The following LRIF1 variants were observed in gnomAD, a reference collection of about 807,000 sequenced individuals.
LRIF1 encodes ligand-dependent nuclear receptor-interacting factor 1.
Under a neutral mutation model 52.7 loss-of-function variants are expected in LRIF1, and 32 were observed. The ratio of observed to expected loss-of-function variants is 0.61; its 90% CI spans 0.46 to 0.82. The LOEUF is 0.82. LRIF1 is among the 40% of genes least tolerant of loss of function. LRIF1 has a pLI of 0.00. For synonymous variants in LRIF1, 323 were observed against 317.4 expected (o/e 1.02, Z -0.19); for missense variants, 887 against 892.0 (o/e 0.99, Z 0.07).
chr1:110,910,889 C>G, the LRIF1 span, among the ~76,000 whole-genome samples: 32 of 152,218 alleles, frequency 2.1e-4, no homozygotes, highest in African/African-American at 7.5e-4. Flanking sequence ...TAAATATCTA[C>G]ATCAAGATGT....
chr1:110,942,511 TAGA>T (rs1423326178), downstream of LRIF1, among the ~76,000 whole-genome samples: 1 of 152,086 alleles, frequency 6.6e-6, no homozygotes, highest in Non-Finnish European at 1.5e-5. Context: ...AGGACACTGG[TAGA>T]AGCAGAGAGA....
At chr1:110,894,284 G>C in the LRIF1 span, 1 of 1,565,754 alleles carries the variant, frequency 6.4e-7, no homozygotes, top group Non-Finnish European at 8.8e-7. Context: ...AGTGGGACGA[G>C]AATGGGGATC....
chr1:110,906,943 A>G, the LRIF1 span, among the ~76,000 whole-genome samples: 1 of 152,204 alleles, frequency 6.6e-6, no homozygotes, highest in African/African-American at 2.4e-5. Flanking sequence ...GGTTATTACA[A>G]TAGTATGGAA....
chr1:110,957,617 T>C (rs1016483815), intron 1 of LRIF1, among the ~76,000 whole-genome samples: 3 of 152,190 alleles, frequency 2.0e-5, no homozygotes, highest in Non-Finnish European at 4.4e-5. Context: ...ATTTGTGATG[T>C]CTTACCAAAC....
At position 110,952,558 on chromosome 1, in the gene LRIF1, G is replaced by C. The variant is rs746334473; in HGVS notation, c.326C>G (p.Thr109Arg). 30 of 1,613,860 alleles carry C rather than the reference G, an allele frequency of 1.9e-5. No homozygotes were observed. The South Asian group carries it at 2.5e-4, about 14-fold the overall frequency. ...TTTTTCTGATGTATCTACTGTTCTTGTAAGAAAATAGTTTGAAGAACTGGC... is the reference window on the plus strand; with the variant it reads ...TTTTTCTGATGTATCTACTGTTCTTCTAAGAAAATAGTTTGAAGAACTGGC... The part of the protein sequence containing the change: ...QPASSSNYFL[T>R]RTVDTSEKGR... Residue 109 changes from threonine to arginine, a missense_variant, in exon 2 of 4, where the codon ACA becomes AGA. Physicochemically the swap from Thr to Arg is moderately conservative, Grantham distance 71 (BLOSUM62 -1). Transcript: ENST00000369763.
the LRIF1 span, among the ~76,000 whole-genome samples, chr1:110,886,869 A>ATATATATATATATATATATATATTTTTT: frequency 1.2e-5 from 1 of 82,800 alleles, no homozygotes; most frequent in African/African-American, 5.3e-5. Context: ...ATATATATAT[A>ATATATATATATATATATATATATTTTTT]TTTTTTTTTT....
chr1:110,937,783 G>T, the LRIF1 span: 13 of 151,974 alleles, frequency 8.6e-5, no homozygotes, highest in African/African-American at 2.7e-4. Context: ...AAACAAAATG[G>T]TTTTTTGAAA....
At chr1:110,886,871 T>TATATATATATATATATATA in the LRIF1 span, among the ~76,000 whole-genome samples, 1 of 76,052 alleles carries the variant, frequency 1.3e-5, no homozygotes, top group African/African-American at 3.6e-5. Flanking sequence ...ATATATATAT[T>TATATATATATATATATATA]TTTTTTTTCT....
chr1:110,948,455 C>G (rs568215969), intron 3 of LRIF1, 56 bp from the exon 4 acceptor site: 4 of 1,518,922 alleles, frequency 2.6e-6, no homozygotes, highest in East Asian at 4.8e-5. Context: ...CTAAATGCAC[C>G]GGGTACTACC....
the LRIF1 span, among the ~76,000 whole-genome samples, chr1:110,912,349 T>A: frequency 6.6e-6 from 1 of 152,134 alleles, no homozygotes; most frequent in Non-Finnish European, 1.5e-5. Context: ...GTAGTTGGGA[T>A]TACAGGCATG....
At chr1:110,963,271 C>T (rs1659040276) in intron 1 of LRIF1, 1 of 175,818 alleles carries the variant, frequency 5.7e-6, no homozygotes, top group African/African-American at 2.3e-5. Context: ...GTGCTGACTG[C>T]TGCGTTTCTG....
intron 1 of LRIF1, among the ~76,000 whole-genome samples, chr1:110,962,889 C>G (rs1271962440): frequency 6.6e-5 from 10 of 151,942 alleles, no homozygotes; most frequent in Non-Finnish European, 1.2e-4. Context: ...AACATTGTTT[C>G]CAATTCATTT....
chr1:110,959,701 T>G (rs899695179), intron 1 of LRIF1, among the ~76,000 whole-genome samples: 4 of 131,382 alleles, frequency 3.0e-5, no homozygotes, highest in Non-Finnish European at 6.1e-5. Context: ...AGCGAGCCAC[T>G]GCACTCCACC....
downstream of LRIF1, chr1:110,944,461 T>C (rs908996225): frequency 4.6e-5 from 7 of 152,180 alleles, no homozygotes; most frequent in African/African-American, 1.2e-4. Context: ...TGGCAGTACA[T>C]TGATAGTACT....
the LRIF1 span, among the ~76,000 whole-genome samples, chr1:110,884,433 A>G: frequency 6.3e-4 from 96 of 152,074 alleles, no homozygotes; most frequent in Admixed American, 4.3e-3. Context: ...AAAAGAATGT[A>G]TGTTCTGCTG....
chr1:110,932,881 T>G, the LRIF1 span, among the ~76,000 whole-genome samples: 1 of 152,210 alleles, frequency 6.6e-6, no homozygotes, highest in Non-Finnish European at 1.5e-5. Flanking sequence ...GGAATTCAAC[T>G]GTAATGAAGA....
chr1:110,882,683 C>T, the LRIF1 span, among the ~76,000 whole-genome samples: 1 of 151,956 alleles, frequency 6.6e-6, no homozygotes, highest in Non-Finnish European at 1.5e-5. Flanking sequence ...ATATTGAATT[C>T]CTGGTAGATG....
chr1:110,892,444 G>A, the LRIF1 span: 126 of 1,613,892 alleles, frequency 7.8e-5, 1 homozygote, highest in Middle Eastern at 1.6e-4. Flanking sequence ...GCTGGGCAAT[G>A]TGTTTGTCAT....
the LRIF1 span, chr1:110,895,046 C>T: frequency 1.2e-6 from 2 of 1,612,192 alleles, no homozygotes; most frequent in Non-Finnish European, 1.7e-6. Context: ...GGGACTCCAT[C>T]CAGTCATTTG....
Sources: allele counts gnomAD v4.1 joint callset (sites outside exome capture counted in the v4.1 genomes callset), GRCh38; gene constraint gnomAD v4.1.1; transcripts MANE v1.5; gene names NCBI Gene and HGNC (gene_info 2026-07-23, HGNC 2026-07-21).